The following SFI1 variants were observed in gnomAD, a reference collection of about 807,000 sequenced individuals.
SFI1 encodes protein SFI1 homolog.
SFI1 carries 195 observed loss-of-function variants against 207.5 expected under a neutral mutation model. The observed-to-expected ratio is 0.94, with a 90% CI of 0.84 to 1.06. The LOEUF (loss-of-function observed/expected upper bound fraction) is 1.06. SFI1 is among the 50% of genes least tolerant of loss of function. SFI1 has a pLI of 0.00. For missense variants in SFI1, 1,634 were observed against 1,588.0 expected (o/e 1.03, Z -0.49); for synonymous variants, 630 against 598.9 (o/e 1.05, Z -0.76).
chr22:31,596,783 CAAA>C (rs11427119), intron 15 of SFI1, among the ~76,000 whole-genome samples: 5 of 111,568 alleles, frequency 4.5e-5, no homozygotes, highest in Admixed American at 9.4e-5. Flanking sequence ...GATTCCATCT[CAAA>C]AAAAAAAAAA....
chr22:31,582,238 T>A (rs370398421), intron 12 of SFI1, among the ~76,000 whole-genome samples: 235 of 17,226 alleles, frequency 0.014, no homozygotes, highest in Non-Finnish European at 0.015. Flanking sequence ...ATATATATAT[T>A]TTTTTTTTTT....
intron 28 of SFI1, 44 bp from the exon 29 acceptor site, chr22:31,615,004 A>C (rs929249234): frequency 6.3e-6 from 10 of 1,596,280 alleles, no homozygotes; most frequent in Non-Finnish European, 7.7e-6. Context: ...GTCCCAGAGG[A>C]GGGTCCTGTG....
intron 24 of SFI1, chr22:31,612,927 T>C: frequency 1.8e-6 from 1 of 561,784 alleles, no homozygotes; most frequent in Non-Finnish European, 3.2e-6. Flanking sequence ...CAGGAGCCCT[T>C]TGCCACCTTC....
chr22:31,587,869 A>G (rs2065249943), intron 14 of SFI1: 1 of 152,240 alleles, frequency 6.6e-6, no homozygotes, highest in Admixed American at 6.5e-5. Context: ...ATAAAAAGAT[A>G]TAAAGAAGAA....
At chr22:31,539,094 A>G (rs1349136318) in intron 4 of SFI1, among the ~76,000 whole-genome samples, 2 of 152,098 alleles carry the variant, frequency 1.3e-5, no homozygotes, top group Non-Finnish European at 2.9e-5. Context: ...CCCCAATTTA[A>G]AATGCCATAT....
At chr22:31,612,397 AAATAT>A (rs58576890) in intron 24 of SFI1, 127 of 98,258 alleles carry the variant, frequency 1.3e-3, no homozygotes, top group African/African-American at 4.9e-3. Flanking sequence ...AAAAAAAAAA[AAATAT>A]ATATATATAT....
At chr22:31,505,433 T>C (rs2033990293) in intron 1 of SFI1, among the ~76,000 whole-genome samples, 1 of 144,202 alleles carries the variant, frequency 6.9e-6, no homozygotes, top group Admixed American at 7.1e-5. Flanking sequence ...AGCGAGACTG[T>C]CTCGGAAAAA....
chr22:31,504,834 C>T (rs1819915369), intron 1 of SFI1, among the ~76,000 whole-genome samples: 1 of 152,174 alleles, frequency 6.6e-6, no homozygotes, highest in African/African-American at 2.4e-5. Flanking sequence ...GTATCTGTCC[C>T]TGTATCTCTT....
chr22:31,564,831 T>TTTTTTTTTTG (rs57661689), intron 8 of SFI1, among the ~76,000 whole-genome samples: 2 of 138,732 alleles, frequency 1.4e-5, no homozygotes, highest in South Asian at 2.4e-4. Context: ...TTTTTTTTTT[T>TTTTTTTTTTG]GAGACGGAGT....
intron 2 of SFI1, among the ~76,000 whole-genome samples, chr22:31,511,464 GTTTTTTTTT>G (rs758898165): frequency 8.7e-6 from 1 of 114,558 alleles, no homozygotes. Context: ...CATAGTTTCT[GTTTTTTTTT>G]TTTTTTTTTT....
chr22:31,540,018 G>C (rs2059331505), intron 4 of SFI1, among the ~76,000 whole-genome samples: 1 of 151,498 alleles, frequency 6.6e-6, no homozygotes, highest in African/African-American at 2.4e-5. Context: ...CACCCAGCCA[G>C]AAGCTTTTAT....
intron 15 of SFI1, among the ~76,000 whole-genome samples, chr22:31,594,204 G>A (rs909298644): frequency 3.3e-5 from 5 of 152,258 alleles, no homozygotes; most frequent in Admixed American, 2.6e-4. Flanking sequence ...CTTAGTTCCT[G>A]TTCTGCTAGA....
chr22:31,587,477 G>GTTT (rs770901062), intron 14 of SFI1: 7 of 66,096 alleles, frequency 1.1e-4, no homozygotes, highest in Non-Finnish European at 1.6e-4. Flanking sequence ...TAATGTTTGT[G>GTTT]TTTTGTTTTT....
intron 27 of SFI1, 149 bp downstream of exon 27, chr22:31,614,004 C>G: frequency 9.1e-7 from 1 of 1,101,940 alleles, no homozygotes; most frequent in African/African-American, 1.6e-5. Flanking sequence ...TCTTCTCCAG[C>G]CAGATCCCAT....
intron 8 of SFI1, among the ~76,000 whole-genome samples, chr22:31,565,062 A>C (rs1473402198): frequency 4.7e-5 from 7 of 148,472 alleles, no homozygotes; most frequent in African/African-American, 1.7e-4. Context: ...TGACCTCGTG[A>C]TCCGCCTGCC....
At chr22:31,533,868 A>T (rs977028554) in intron 4 of SFI1, among the ~76,000 whole-genome samples, 1 of 152,070 alleles carries the variant, frequency 6.6e-6, no homozygotes, top group Non-Finnish European at 1.5e-5. Flanking sequence ...TGCATATTCT[A>T]TTCTCCACTG....
intron 2 of SFI1, among the ~76,000 whole-genome samples, chr22:31,510,965 G>T (rs1269318154): frequency 6.6e-6 from 1 of 151,980 alleles, no homozygotes; most frequent in Non-Finnish European, 1.5e-5. Context: ...TTTAATGAGG[G>T]ACCCTTATGG....
intron 1 of SFI1, among the ~76,000 whole-genome samples, chr22:31,504,515 T>C (rs953786545): frequency 6.6e-6 from 1 of 152,212 alleles, no homozygotes; most frequent in Non-Finnish European, 1.5e-5. Flanking sequence ...GTGTTCACCC[T>C]GTTAGCTTGC....
rs1329706506 is a variant in SFI1, at chr22:31,575,277, C to G, written c.969C>G (p.Phe323Leu). 21 of 1,613,002 alleles carry G rather than the reference C, an allele frequency of 1.3e-5. No individual in the cohort carries two copies. Among genetic ancestry groups the G allele is most frequent in the Non-Finnish European group, 1.7e-5 (20 of 1,179,616 alleles). ...FHHVTVLQIYFCDWQQAWERR... is the reference protein window; with the variant it reads ...FHHVTVLQIYLCDWQQAWERR... ...ATGTCACTGTGCTCCAGATATACTT[C>G]TGTGACTGGCAGCAGGCCTGGGAGC... Residue 323 changes from phenylalanine (F) to leucine (L), a missense_variant, in exon 10 of 33, where the codon TTC (phenylalanine) becomes TTG (leucine). By Grantham distance (22) the Phe-to-Leu change is conservative. Coordinates refer to ENST00000400288, the MANE Select transcript of SFI1 (RefSeq NM_001007467.3).
Sources: allele counts gnomAD v4.1 joint callset (sites outside exome capture counted in the v4.1 genomes callset), GRCh38; gene constraint gnomAD v4.1.1; transcripts MANE v1.5; gene names NCBI Gene and HGNC (gene_info 2026-07-23, HGNC 2026-07-21).